MSI2: variants seen among roughly 807,000 people sequenced by gnomAD.
The protein encoded by MSI2 is RNA-binding protein Musashi homolog 2.
MSI2 carries 17 observed loss-of-function variants against 45.6 expected under a neutral mutation model. The ratio of observed to expected loss-of-function variants is 0.37; its 90% CI spans 0.26 to 0.56. The LOEUF (loss-of-function observed/expected upper bound fraction) is 0.56. Ranked by LOEUF, MSI2 falls within the 20% of genes least tolerant of loss-of-function variation. The pLI is 0.77. For missense variants in MSI2, 293 were observed against 444.2 expected (o/e 0.66, Z 3.06); for synonymous variants, 156 against 158.2 (o/e 0.99, Z 0.11).
At chr17:57,297,348 A>G (rs1911067901) in intron 5 of MSI2, among the ~76,000 whole-genome samples, 1 of 152,316 alleles carries the variant, frequency 6.6e-6, no homozygotes, top group Admixed American at 6.5e-5. Context: ...CTTAGTGCAT[A>G]TAAATGTTAT....
intron 7 of MSI2, among the ~76,000 whole-genome samples, chr17:57,582,465 G>T (rs2144374120): frequency 6.6e-6 from 1 of 152,142 alleles, no homozygotes; most frequent in East Asian, 1.9e-4. Flanking sequence ...CAATATGATT[G>T]AATATGCTGG....
At chr17:57,590,762 A>T (rs903925900) in intron 7 of MSI2, among the ~76,000 whole-genome samples, 1 of 152,100 alleles carries the variant, frequency 6.6e-6, no homozygotes, top group African/African-American at 2.4e-5. Context: ...GGCAGGTGCC[A>T]CTTTGCTGAT....
intron 6 of MSI2, among the ~76,000 whole-genome samples, chr17:57,498,884 A>G (rs1009487543): frequency 8.6e-5 from 13 of 151,484 alleles, no homozygotes; most frequent in Non-Finnish European, 1.9e-4. Context: ...CGTCATTTAC[A>G]TTAGGTATAT....
chr17:57,356,611 A>G (rs1916441836), intron 5 of MSI2, among the ~76,000 whole-genome samples: 1 of 152,206 alleles, frequency 6.6e-6, no homozygotes, highest in African/African-American at 2.4e-5. Context: ...GGTTTAGCAG[A>G]GTGCACCATC....
intron 5 of MSI2, among the ~76,000 whole-genome samples, chr17:57,298,544 C>T (rs1263652173): frequency 6.6e-6 from 1 of 152,066 alleles, no homozygotes; most frequent in African/African-American, 2.4e-5. Context: ...GCTTGTAATC[C>T]CAGCTACTCG....
chr17:57,683,080 C>T lies in MSI2; in HGVS notation c.*3563C>T, dbSNP rs997993579. 3.5e-5 allele frequency: 8 copies of T among 229,854 alleles called. No homozygotes were observed. Among genetic ancestry groups the T allele is most frequent in the Non-Finnish European group, 6.9e-5 (8 of 116,048 alleles). The allele number at this position is 229,854 out of a possible 1,614,324, so 14.2% of individuals were successfully genotyped here. A position where few individuals can be genotyped will look rare whatever the true frequency, so the allele number is the denominator to read the frequency against. On this transcript the variant is annotated 3_prime_UTR_variant, in exon 14 of 14. Transcript: ENST00000284073. This position sits in a 1 kb window ranked among gnomAD's most constrained non-coding sequence, Gnocchi z 5.2. ...TAGCTTGATTCAAACAAAGCCCCAG[C>T]AGGCCTTTGCGTTTTTATCCTTCAT...
chr17:57,567,838 A>T (rs1314596702), intron 7 of MSI2, among the ~76,000 whole-genome samples: 1 of 152,218 alleles, frequency 6.6e-6, no homozygotes, highest in Non-Finnish European at 1.5e-5. Context: ...GTTACAACAG[A>T]TTATGGGAAG....
At chr17:57,395,494 G>C (rs926401043) in intron 5 of MSI2, among the ~76,000 whole-genome samples, 1 of 152,160 alleles carries the variant, frequency 6.6e-6, no homozygotes, top group African/African-American at 2.4e-5. Flanking sequence ...GGGTGGCTCC[G>C]AGGGTGATGG....
At chr17:57,262,259 A>T in intron 5 of MSI2, 67 bp downstream of exon 5, 1 of 1,543,668 alleles carries the variant, frequency 6.5e-7, no homozygotes, top group East Asian at 2.2e-5. Flanking sequence ...TCAAATTTCA[A>T]ACAGCATTGG....
intron 7 of MSI2, among the ~76,000 whole-genome samples, chr17:57,541,706 T>C (rs1046447492): frequency 2.0e-5 from 3 of 152,212 alleles, no homozygotes; most frequent in Admixed American, 1.3e-4. Flanking sequence ...ATAGCACTCA[T>C]GTGGATGTGC....
chr17:57,374,063 T>C (rs991480357), intron 5 of MSI2, among the ~76,000 whole-genome samples: 1 of 152,204 alleles, frequency 6.6e-6, no homozygotes, highest in African/African-American at 2.4e-5. Context: ...TTCTGTGTTA[T>C]GGCCATGCAA....
rs370932723 is a variant in MSI2, at chr17:57,651,394, C to T, written c.728-705C>T. ...CAATTGCCTCAGGAGGTTGAAACACCGAGAGATCAAATAAAGCCACAGGGC... is the reference window on the plus strand; with the variant it reads ...CAATTGCCTCAGGAGGTTGAAACACTGAGAGATCAAATAAAGCCACAGGGC... On this transcript the variant is annotated intron_variant, in intron 10 of 13. Coordinates refer to ENST00000284073, the MANE Select transcript of MSI2 (RefSeq NM_138962.4). 6.5e-4 allele frequency among the ~76,000 whole-genome samples: 99 copies of T among 152,160 alleles called. 3 individuals carry two copies. In the East Asian group the frequency reaches 0.012, roughly 18 times the overall value.
At chr17:57,496,533 G>C (rs1421828922) in intron 6 of MSI2, among the ~76,000 whole-genome samples, 4 of 152,222 alleles carry the variant, frequency 2.6e-5, no homozygotes, top group Admixed American at 2.0e-4. Context: ...AAGCTAATGT[G>C]CTCTGTCAGC....
At chr17:57,509,719 C>CCTCCTCT (rs1403287657) in intron 6 of MSI2, among the ~76,000 whole-genome samples, 13 of 152,116 alleles carry the variant, frequency 8.5e-5, no homozygotes, top group African/African-American at 2.9e-4. Flanking sequence ...CCATGCCCAG[C>CCTCCTCT]TGGTTGCTTG....
intron 5 of MSI2, among the ~76,000 whole-genome samples, chr17:57,290,618 A>G (rs1018551828): frequency 2.6e-5 from 4 of 152,194 alleles, no homozygotes; most frequent in Non-Finnish European, 5.9e-5. Context: ...TGGCCTGGTT[A>G]TATTATTCTA....
chr17:57,427,578 A>G (rs981685148), intron 6 of MSI2, among the ~76,000 whole-genome samples: 1 of 152,154 alleles, frequency 6.6e-6, no homozygotes, highest in Admixed American at 6.5e-5. Flanking sequence ...TGTGGTCCTA[A>G]GGCTGAAATG....
intron 6 of MSI2, among the ~76,000 whole-genome samples, chr17:57,508,402 A>T (rs2086283037): frequency 1.3e-5 from 2 of 152,144 alleles, no homozygotes; most frequent in Non-Finnish European, 2.9e-5. Context: ...GAAAATCAAC[A>T]CATTTTCTTC....
intron 6 of MSI2, among the ~76,000 whole-genome samples, chr17:57,521,002 TAGTC>T (rs1165960406): frequency 6.6e-6 from 1 of 152,164 alleles, no homozygotes; most frequent in Admixed American, 6.5e-5. Context: ...TTTCTCTTGT[TAGTC>T]AGTAAAGGCC....
At chr17:57,328,676 A>G (rs931346064) in intron 5 of MSI2, among the ~76,000 whole-genome samples, 3 of 152,144 alleles carry the variant, frequency 2.0e-5, no homozygotes, top group African/African-American at 7.2e-5. Flanking sequence ...CTGTGGTTGG[A>G]CAGCTGTGTG....
Sources: allele counts gnomAD v4.1 joint callset (sites outside exome capture counted in the v4.1 genomes callset), GRCh38; gene constraint gnomAD v4.1.1; non-coding constraint Gnocchi (gnomAD v3.1); transcripts MANE v1.5; gene names NCBI Gene and HGNC (gene_info 2026-07-23, HGNC 2026-07-21).